CSMD3: variants seen among roughly 807,000 people sequenced by gnomAD.
The protein encoded by CSMD3 is CUB and sushi domain-containing protein 3.
Under a neutral mutation model 435.2 loss-of-function variants are expected in CSMD3, and 177 were observed. The observed-to-expected ratio is 0.41, with a 90% CI of 0.36 to 0.46. The LOEUF (loss-of-function observed/expected upper bound fraction) is 0.46. Ranked by LOEUF, CSMD3 falls within the 20% of genes least tolerant of loss-of-function variation. CSMD3 has a pLI of 0.34. For missense variants in CSMD3, 4,265 were observed against 4,504.6 expected, an observed-to-expected ratio of 0.95 and a Z score of 1.52; for synonymous variants, 1,656 against 1,520.5, an observed-to-expected ratio of 1.09 and a Z score of -2.07.
At chr8:113,014,139 G>A (rs2086363615) in intron 6 of CSMD3, among the ~76,000 whole-genome samples, 1 of 152,072 alleles carries the variant, frequency 6.6e-6, no homozygotes, top group African/African-American at 2.4e-5. Flanking sequence ...GCCAACAATT[G>A]TGGCCATGGT....
At chr8:113,305,319 T>A (rs13267302) in intron 2 of CSMD3, among the ~76,000 whole-genome samples, 127,115 of 152,102 alleles carry the variant, frequency 0.84, 53,611 homozygotes, top group African/African-American at 0.95. Context: ...AATAAATTTT[T>A]AAAAAAAGAG....
intron 1 of CSMD3, among the ~76,000 whole-genome samples, chr8:113,401,847 G>A (rs1488471291): frequency 6.6e-6 from 1 of 151,488 alleles, no homozygotes; most frequent in South Asian, 2.1e-4. Flanking sequence ...TGTTACAATT[G>A]CCTGTAGTGT....
At chr8:113,403,294 C>T (rs2094518373) in intron 1 of CSMD3, among the ~76,000 whole-genome samples, 1 of 151,314 alleles carries the variant, frequency 6.6e-6, no homozygotes. Flanking sequence ...GATAATATTA[C>T]TATAGCAATA....
intron 38 of CSMD3, among the ~76,000 whole-genome samples, chr8:112,364,470 T>A (rs928991874): frequency 2.0e-5 from 3 of 152,038 alleles, no homozygotes; most frequent in African/African-American, 7.2e-5. Context: ...TTTAAAAACA[T>A]GTATATTTTA....
Position 112,896,343 on chromosome 8 carries a change from T to C in CSMD3, c.1633+25284A>G, listed in dbSNP as rs182557650. Among the ~76,000 whole-genome samples, 43 of 151,478 alleles carry C rather than the reference T, an allele frequency of 2.8e-4. No homozygotes were observed. The East Asian group carries it at 7.9e-3, about 28-fold the overall frequency. On this transcript the variant is annotated intron_variant, in intron 10 of 70. Coordinates refer to ENST00000297405, the MANE Select transcript of CSMD3 (RefSeq NM_198123.2). ...CAGCTTTGGAGCTGCCCGATAGATATGAAGTGATAAAAAGATGAGCAATTT... is the reference window on the plus strand; with the variant it reads ...CAGCTTTGGAGCTGCCCGATAGATACGAAGTGATAAAAAGATGAGCAATTT...
At chr8:112,671,140 T>G (rs2075646069) in intron 16 of CSMD3, among the ~76,000 whole-genome samples, 1 of 152,158 alleles carries the variant, frequency 6.6e-6, no homozygotes, top group Non-Finnish European at 1.5e-5. Context: ...ATATCTCAGT[T>G]GACTGAGATA....
intron 6 of CSMD3, 160 bp downstream of exon 6, chr8:113,018,907 A>T: frequency 1.6e-6 from 1 of 643,178 alleles, no homozygotes; most frequent in Non-Finnish European, 2.8e-6. Context: ...ACTGTAATTT[A>T]GTTATGATCA....
intron 27 of CSMD3, among the ~76,000 whole-genome samples, chr8:112,547,085 T>G (rs1286445039): frequency 6.6e-6 from 1 of 152,160 alleles, no homozygotes; most frequent in African/African-American, 2.4e-5. Context: ...ATTGTACTAA[T>G]CGGGGAAGGG....
chr8:112,670,362 G>A (rs557915589), intron 16 of CSMD3, among the ~76,000 whole-genome samples: 64 of 152,178 alleles, frequency 4.2e-4, no homozygotes, highest in African/African-American at 1.4e-3. Flanking sequence ...AGTGAACCAC[G>A]GCAATTGAAA....
chr8:112,352,027 A>C (rs1586850185), intron 39 of CSMD3, among the ~76,000 whole-genome samples: 1 of 152,232 alleles, frequency 6.6e-6, no homozygotes, highest in Admixed American at 6.5e-5. Context: ...AGTTTCATTC[A>C]GTGTTTTAAG....
chr8:112,988,093 A>C (rs1259572490), intron 6 of CSMD3, among the ~76,000 whole-genome samples: 2 of 151,966 alleles, frequency 1.3e-5, no homozygotes, highest in African/African-American at 4.8e-5. Flanking sequence ...CATAGAAAAT[A>C]TGGGTTTGGA....
At chr8:112,357,209 T>A (rs1826702661) in intron 38 of CSMD3, among the ~76,000 whole-genome samples, 1 of 152,038 alleles carries the variant, frequency 6.6e-6, no homozygotes, top group Non-Finnish European at 1.5e-5. Context: ...GAAGCAAAGG[T>A]GACTCTTGTT....
chr8:112,282,295 C>A (rs1818734064), intron 58 of CSMD3, among the ~76,000 whole-genome samples: 1 of 151,662 alleles, frequency 6.6e-6, no homozygotes, highest in African/African-American at 2.4e-5. Flanking sequence ...AGAACCTTAT[C>A]CATTTTACAT....
At chr8:113,355,712 A>G (rs1183083277) in intron 1 of CSMD3, among the ~76,000 whole-genome samples, 1 of 26,480 alleles carries the variant, frequency 3.8e-5, no homozygotes, top group African/African-American at 2.2e-4. Context: ...AACTCTTAAA[A>G]GTTTTATTTT....
intron 13 of CSMD3, among the ~76,000 whole-genome samples, chr8:112,794,704 T>C (rs889869237): frequency 6.6e-6 from 1 of 151,928 alleles, no homozygotes; most frequent in Non-Finnish European, 1.5e-5. Context: ...GTTCAGTCAC[T>C]AGTACAAAAA....
At chr8:113,169,029 G>T (rs192103270) in intron 4 of CSMD3, among the ~76,000 whole-genome samples, 339 of 152,194 alleles carry the variant, frequency 2.2e-3, no homozygotes, top group African/African-American at 7.9e-3. Context: ...CTAGGCTAAA[G>T]CTTCCTACTT....
intron 45 of CSMD3, among the ~76,000 whole-genome samples, chr8:112,325,085 A>C (rs1333469060): frequency 6.6e-6 from 1 of 152,090 alleles, no homozygotes; most frequent in Admixed American, 6.6e-5. Context: ...CCTCTACTTA[A>C]AATTCAAGTA....
intron 23 of CSMD3, 49 bp downstream of exon 23, chr8:112,587,017 T>G (rs963486166): frequency 1.5e-6 from 2 of 1,331,134 alleles, no homozygotes; most frequent in African/African-American, 2.9e-5. Flanking sequence ...TTGATGTATA[T>G]TTAATGACTA....
intron 3 of CSMD3, among the ~76,000 whole-genome samples, chr8:113,274,569 T>C (rs1002061685): frequency 6.6e-6 from 1 of 152,076 alleles, no homozygotes; most frequent in East Asian, 1.9e-4. Context: ...TACCTATTGG[T>C]CTTTCATCAT....
Sources: allele counts gnomAD v4.1 joint callset (sites outside exome capture counted in the v4.1 genomes callset), GRCh38; gene constraint gnomAD v4.1.1; transcripts MANE v1.5; gene names NCBI Gene and HGNC (gene_info 2026-07-23, HGNC 2026-07-21).